NXN: variants seen among roughly 807,000 people sequenced by gnomAD.
NXN encodes nucleoredoxin.
A neutral mutation model predicts 48.6 loss-of-function variants in NXN; 16 were observed. The observed-to-expected ratio is 0.33, with a 90% CI of 0.22 to 0.50. The LOEUF (loss-of-function observed/expected upper bound fraction) is 0.50, where lower values mean the gene tolerates loss of function less well. Ranked by LOEUF, NXN falls within the 20% of genes least tolerant of loss-of-function variation. The pLI is 0.98. For missense variants in NXN, 492 were observed against 605.5 expected (o/e 0.81, Z 1.97); for synonymous variants, 281 against 269.6 (o/e 1.04, Z -0.41).
intron 1 of NXN, among the ~76,000 whole-genome samples, chr17:927,846 C>T (rs1344247341): frequency 3.3e-5 from 5 of 152,066 alleles, no homozygotes; most frequent in African/African-American, 1.2e-4. Context: ...CCACTCGCCC[C>T]CTCACCAGCT....
rs1345212122 is a variant in NXN at position 978,072 on chromosome 17, T to C, written c.360+1247A>G. On this transcript the variant is annotated intron_variant, in intron 1 of 7. Coordinates refer to ENST00000336868, the MANE Select transcript of NXN (RefSeq NM_022463.5). This position sits in a 1 kb window ranked among gnomAD's most constrained non-coding sequence, Gnocchi z 4.1. Reference sequence around the variant, plus strand: ...CATTTGGGGTCACAGTGTAAGCCTTTTGCTCCCAGTAAATCTAAATCATGC... The same window carrying C: ...CATTTGGGGTCACAGTGTAAGCCTTCTGCTCCCAGTAAATCTAAATCATGC... 6.6e-6 allele frequency among the ~76,000 whole-genome samples: 1 copy of C among 152,190 alleles called. No individual in the cohort carries two copies. The highest frequency in any genetic ancestry group is 1.5e-5 in the Non-Finnish European group (1 of 68,028).
At chr17:864,141 G>A (rs1444269161) in intron 1 of NXN, 40 of 1,464,726 alleles carry the variant, frequency 2.7e-5, no homozygotes, top group East Asian at 8.2e-5. Context: ...GAAGGGGCAC[G>A]TTCACCGTTG....
intron 5 of NXN, among the ~76,000 whole-genome samples, chr17:816,554 G>A (rs1001517111): frequency 2.0e-5 from 3 of 151,926 alleles, no homozygotes; most frequent in Admixed American, 6.6e-5. Context: ...TGGTCTCCCC[G>A]ACGAGGCCAA....
intron 1 of NXN, among the ~76,000 whole-genome samples, chr17:877,715 C>T (rs768052880): frequency 2.6e-5 from 4 of 152,166 alleles, no homozygotes; most frequent in South Asian, 2.1e-4. Context: ...ACAAAATACT[C>T]GTTATTTTTA....
chr17:865,086 C>A (rs1237781371), intron 1 of NXN, among the ~76,000 whole-genome samples: 1 of 152,168 alleles, frequency 6.6e-6, no homozygotes, highest in Non-Finnish European at 1.5e-5. Flanking sequence ...GAGAAAAGCA[C>A]AACTCCCAGA....
chr17:887,533 C>T (rs1292139218), intron 1 of NXN, among the ~76,000 whole-genome samples: 2 of 152,134 alleles, frequency 1.3e-5, no homozygotes, highest in African/African-American at 2.4e-5. Flanking sequence ...ACTAATACCC[C>T]ACAGCTTACT....
intron 1 of NXN, among the ~76,000 whole-genome samples, chr17:873,892 G>A (rs768001988): frequency 4.6e-5 from 7 of 152,172 alleles, no homozygotes; most frequent in African/African-American, 9.7e-5. Flanking sequence ...GGATGATCAC[G>A]TCTCAGCTTC....
chr17:903,459 G>A (rs1360518788), intron 1 of NXN, among the ~76,000 whole-genome samples: 1 of 152,002 alleles, frequency 6.6e-6, no homozygotes, highest in Non-Finnish European at 1.5e-5. Context: ...ACAGCTCACT[G>A]CAACCTCTGC....
intron 1 of NXN, among the ~76,000 whole-genome samples, chr17:834,258 G>T (rs918432670): frequency 1.3e-5 from 2 of 152,176 alleles, no homozygotes; most frequent in Non-Finnish European, 2.9e-5. Context: ...GGAGGTCAAG[G>T]CTACGATGAG....
chr17:803,329 C>G (rs521701), intron 7 of NXN, among the ~76,000 whole-genome samples: 2 of 151,906 alleles, frequency 1.3e-5, no homozygotes, highest in Non-Finnish European at 2.9e-5. Flanking sequence ...CGCGGAGGCA[C>G]GAACCCAGCA....
chr17:827,421 G>C (rs1913180138), intron 1 of NXN, among the ~76,000 whole-genome samples: 1 of 152,154 alleles, frequency 6.6e-6, no homozygotes, highest in South Asian at 2.1e-4. Flanking sequence ...AGGAGATCGA[G>C]ACCATCCTGG....
At chr17:929,000 C>T (rs569667063) in intron 1 of NXN, among the ~76,000 whole-genome samples, 16 of 152,328 alleles carry the variant, frequency 1.1e-4, no homozygotes, top group African/African-American at 3.8e-4. Context: ...TTAATTCCCA[C>T]AGAGTAAAGC....
At chr17:818,605 G>A (rs1350654128) in intron 5 of NXN, among the ~76,000 whole-genome samples, 1 of 152,132 alleles carries the variant, frequency 6.6e-6, no homozygotes, top group Non-Finnish European at 1.5e-5. Flanking sequence ...TCCACCATGG[G>A]CCGGGTGCAG....
intron 5 of NXN, among the ~76,000 whole-genome samples, chr17:816,336 C>G (rs1365512208): frequency 9.0e-6 from 1 of 110,562 alleles, no homozygotes; most frequent in Non-Finnish European, 1.7e-5. Flanking sequence ...CAGACCTTCA[C>G]TGTCCCTGTC....
intron 1 of NXN, among the ~76,000 whole-genome samples, chr17:913,608 G>A (rs2068657225): frequency 6.6e-6 from 1 of 151,824 alleles, no homozygotes. Flanking sequence ...CTACCCCCAC[G>A]TCCCCAGGCA....
intron 1 of NXN, among the ~76,000 whole-genome samples, chr17:880,718 G>T (rs374186383): frequency 6.6e-6 from 1 of 152,134 alleles, no homozygotes; most frequent in Admixed American, 6.6e-5. Flanking sequence ...AAGCAGAGGG[G>T]CTGGCCTTCT....
chr17:959,183 C>G, intron 1 of NXN: 1 of 982,066 alleles, frequency 1.0e-6, no homozygotes, highest in South Asian at 2.5e-5. Context: ...GGTTCCCCGC[C>G]ACGTACCAGT....
At chr17:923,148 C>T (rs940878544) in intron 1 of NXN, among the ~76,000 whole-genome samples, 1 of 152,128 alleles carries the variant, frequency 6.6e-6, no homozygotes, top group African/African-American at 2.4e-5. Flanking sequence ...TAGGGACCAC[C>T]ACCTGGACGG....
intron 1 of NXN, among the ~76,000 whole-genome samples, chr17:942,337 G>T (rs1335215185): frequency 3.8e-5 from 1 of 26,344 alleles, no homozygotes; most frequent in Admixed American, 2.3e-4. Context: ...CAGTGAACAA[G>T]ATTCCAGGGT....
Sources: allele counts gnomAD v4.1 joint callset (sites outside exome capture counted in the v4.1 genomes callset), GRCh38; gene constraint gnomAD v4.1.1; non-coding constraint Gnocchi (gnomAD v3.1); transcripts MANE v1.5; gene names NCBI Gene and HGNC (gene_info 2026-07-23, HGNC 2026-07-21).